The following DNAH7 variants were observed in gnomAD, a reference collection of about 807,000 sequenced individuals.
The protein encoded by DNAH7 is axonemal beta dynein heavy chain 7.
DNAH7 carries 397 observed loss-of-function variants against 444.6 expected under a neutral mutation model. The ratio of observed to expected loss-of-function variants is 0.89; its 90% CI spans 0.82 to 0.97. The LOEUF is 0.97. DNAH7 is among the 50% of genes least tolerant of loss of function. The probability of loss-of-function intolerance (pLI) is 0.00; values close to 1 mark genes in which losing one functional copy is unlikely to be tolerated. For missense variants in DNAH7, 4,902 were observed against 4,800.8 expected (o/e 1.02, Z -0.62); for synonymous variants, 1,636 against 1,624.4 (o/e 1.01, Z -0.17).
chr2:195,841,650 C>T (rs1399162594), intron 47 of DNAH7, among the ~76,000 whole-genome samples: 1 of 150,720 alleles, frequency 6.6e-6, no homozygotes, highest in Non-Finnish European at 1.5e-5. Context: ...CATTTACTTG[C>T]TTACTTCTTC....
chr2:195,965,069 G>GTTTTTCCCC (rs1559281836), intron 17 of DNAH7, among the ~76,000 whole-genome samples: 1 of 152,018 alleles, frequency 6.6e-6, no homozygotes, highest in East Asian at 1.9e-4. Flanking sequence ...CTTTCTTTCA[G>GTTTTTCCCC]TTTTTCCCCA....
intron 61 of DNAH7, among the ~76,000 whole-genome samples, chr2:195,763,857 A>G (rs761894826): frequency 2.0e-5 from 3 of 152,004 alleles, no homozygotes; most frequent in Non-Finnish European, 4.4e-5. Context: ...AGGTGGAGGG[A>G]ATAATTACAA....
chr2:196,044,716 T>C (rs1696992977), intron 5 of DNAH7, among the ~76,000 whole-genome samples: 1 of 152,170 alleles, frequency 6.6e-6, no homozygotes, highest in Non-Finnish European at 1.5e-5. Flanking sequence ...AGAAAAAGGA[T>C]GAAATTGAGA....
At chr2:195,742,739 A>G (rs1413195209) in intron 63 of DNAH7, among the ~76,000 whole-genome samples, 2 of 152,142 alleles carry the variant, frequency 1.3e-5, no homozygotes, top group Non-Finnish European at 2.9e-5. Context: ...CTTTTACACT[A>G]TTCTCTGCCT....
chr2:196,015,962 T>G (rs983496290), intron 9 of DNAH7, among the ~76,000 whole-genome samples: 1 of 152,234 alleles, frequency 6.6e-6, no homozygotes, highest in African/African-American at 2.4e-5. Flanking sequence ...CTGCAAGGCT[T>G]CTTTCCCATG....
intron 10 of DNAH7, among the ~76,000 whole-genome samples, chr2:196,012,226 G>C: frequency 6.6e-6 from 1 of 152,084 alleles, no homozygotes; most frequent in East Asian, 1.9e-4. Flanking sequence ...ATTTTCCTAA[G>C]TTGCTTCAAA....
intron 21 of DNAH7, among the ~76,000 whole-genome samples, chr2:195,932,643 T>G (rs1392263368): frequency 2.6e-5 from 4 of 152,206 alleles, no homozygotes; most frequent in African/African-American, 9.7e-5. Context: ...TGTTGAATTT[T>G]GTCAAAGGCC....
At chr2:195,869,450 G>T (rs149693570) in intron 40 of DNAH7, among the ~76,000 whole-genome samples, 86 of 152,130 alleles carry the variant, frequency 5.7e-4, no homozygotes, top group African/African-American at 1.9e-3. Context: ...GCTATCTGAG[G>T]GAGATGAACA....
intron 41 of DNAH7, 140 bp downstream of exon 41, chr2:195,864,009 T>C (rs1700170980): frequency 2.7e-6 from 2 of 728,382 alleles, no homozygotes; most frequent in Non-Finnish European, 4.4e-6. Flanking sequence ...AATTATAATT[T>C]CATAAGATAT....
chr2:195,926,420 C>A lies in DNAH7; in HGVS notation c.3612+6G>T. 1 of 1,523,066 alleles carries A rather than the reference C, an allele frequency of 6.6e-7. No individual in the cohort carries two copies. Among genetic ancestry groups the A allele is most frequent in the Non-Finnish European group, 8.8e-7 (1 of 1,140,276 alleles). 94.3% of individuals were successfully genotyped at this position (1,523,066 alleles called of 1,614,324 possible). On this transcript the variant is annotated splice_donor_region_variant and intron_variant, in intron 22 of 64. Coordinates refer to ENST00000312428, the MANE Select transcript of DNAH7 (RefSeq NM_018897.3). ...TAAAAAAACCCGAGGGTTAATAAAA[C>A]CTTACCTTTATCCCCATTGGAATAG...
At chr2:195,892,309 C>A (rs1702055772) in intron 30 of DNAH7, among the ~76,000 whole-genome samples, 1 of 151,986 alleles carries the variant, frequency 6.6e-6, no homozygotes, top group African/African-American at 2.4e-5. Context: ...AATTTGCTGA[C>A]CCCTGCTACA....
In DNAH7 at chr2:195,922,157, C is replaced by T. The variant is rs758777179; in HGVS notation, c.3866G>A (p.Arg1289Gln). 26 of 1,613,002 alleles carry T rather than the reference C, an allele frequency of 1.6e-5. No individual in the cohort carries two copies. In the African/African-American group the frequency reaches 2.0e-4, roughly 12 times the overall value. Residue 1289 changes from arginine to glutamine, a missense_variant, in exon 24 of 65, where the codon CGA becomes CAA. Physicochemically the swap from Arg to Gln is conservative, Grantham distance 43 (BLOSUM62 1). Transcript: ENST00000312428. ...ATTACCCAGATATTCATATCCATAT[C>T]GCAAACCAGCATTGATCATTTTTGT... ...LETKMINAGL[R>Q]YGYEYLGNSP...
At chr2:195,821,160 TAAAA>T (rs35044943) in intron 49 of DNAH7, among the ~76,000 whole-genome samples, 1 of 141,272 alleles carries the variant, frequency 7.1e-6, no homozygotes, top group African/African-American at 2.6e-5. Context: ...GTGGGAAGGT[TAAAA>T]AAAAAAAAAA....
intron 9 of DNAH7, among the ~76,000 whole-genome samples, chr2:196,014,300 G>C (rs1262726488): frequency 6.6e-6 from 1 of 152,102 alleles, no homozygotes; most frequent in Admixed American, 6.6e-5. Context: ...GTTAGCAGAA[G>C]GAAATGCAAG....
At chr2:195,887,506 A>AT (rs895578778) in intron 33 of DNAH7, among the ~76,000 whole-genome samples, 4 of 151,224 alleles carry the variant, frequency 2.6e-5, no homozygotes, top group African/African-American at 9.7e-5. Flanking sequence ...TTTTCTCTGG[A>AT]TTTTTTCTTT....
chr2:195,983,639 A>C lies in DNAH7; in HGVS notation c.1833+993T>G, dbSNP rs185807133. ...CCAACACTGGGGATCATGTTTCAAC[A>C]TAAGATTTGGAGGGGACAAGCATTC... On this transcript the variant is annotated intron_variant, in intron 15 of 64. Coordinates refer to ENST00000312428, the MANE Select transcript of DNAH7 (RefSeq NM_018897.3). 3.2e-4 allele frequency among the ~76,000 whole-genome samples: 49 copies of C among 152,314 alleles called. No individual in the cohort carries two copies. In the East Asian group the frequency reaches 9.3e-3, roughly 29 times the overall value.
At position 195,885,550 on chromosome 2, in the gene DNAH7, A is replaced by G. The variant is rs536500062; in HGVS notation, c.5538+591T>C. Among the ~76,000 whole-genome samples, 16 of 152,172 alleles carry G rather than the reference A, an allele frequency of 1.1e-4. No individual in the cohort carries two copies. In the East Asian group the frequency reaches 2.1e-3, roughly 20 times the overall value. On this transcript the variant is annotated intron_variant, in intron 34 of 64. Transcript: ENST00000312428. ...TAAAAATTAATTTCTTTTAAAACAT[A>G]TAAGTTAAGCAAGTACCATATTGAC...
At chr2:195,850,592 T>C (rs899493224) in intron 46 of DNAH7, among the ~76,000 whole-genome samples, 2 of 152,026 alleles carry the variant, frequency 1.3e-5, no homozygotes, top group African/African-American at 4.8e-5. Context: ...TATAAAAGAG[T>C]TGATAAATAA....
chr2:196,021,791 C>T (rs1695398285), intron 8 of DNAH7, among the ~76,000 whole-genome samples: 1 of 151,848 alleles, frequency 6.6e-6, no homozygotes, highest in African/African-American at 2.4e-5. Context: ...CACTGCACTC[C>T]AACCTGGGAA....
Sources: gnomAD v4.1 joint callset for allele counts (sites outside exome capture counted in the v4.1 genomes callset) on GRCh38, gnomAD v4.1.1 for gene constraint, MANE v1.5 for transcripts, NCBI Gene and HGNC (gene_info 2026-07-23, HGNC 2026-07-21) for gene names.